Variants in KHDRBS2 observed in about 807,000 individuals in gnomAD.
The protein encoded by KHDRBS2 is KH RNA binding domain containing, signal transduction associated 2.
In KHDRBS2, 26 loss-of-function variants were observed where a neutral mutation model predicts 44.3. The observed-to-expected ratio is 0.59, with a 90% confidence interval of 0.43 to 0.81. The LOEUF is 0.81. Ranked by LOEUF, KHDRBS2 falls within the 40% of genes least tolerant of loss-of-function variation. The pLI, the probability that KHDRBS2 is intolerant of heterozygous loss-of-function variation, is 0.00. For synonymous variants in KHDRBS2, 194 were observed against 151.1 expected, an observed-to-expected ratio of 1.28 and a Z score of -2.08; for missense variants, 476 against 433.1, an observed-to-expected ratio of 1.10 and a Z score of -0.88.
chr6:61,565,771 A>G, the KHDRBS2 span, among the ~76,000 whole-genome samples: 1 of 152,264 alleles, frequency 6.6e-6, no homozygotes, highest in African/African-American at 2.4e-5. Flanking sequence ...CACAGGGAAA[A>G]CAGTATGAAG....
chr6:61,657,333 T>A, the KHDRBS2 span, among the ~76,000 whole-genome samples: 1 of 152,028 alleles, frequency 6.6e-6, no homozygotes, highest in Non-Finnish European at 1.5e-5. Context: ...TATTTTCCCA[T>A]CTGTGTTTTG....
At chr6:61,599,026 C>A in the KHDRBS2 span, among the ~76,000 whole-genome samples, 1 of 151,800 alleles carries the variant, frequency 6.6e-6, no homozygotes, top group African/African-American at 2.4e-5. Flanking sequence ...CTCCACCTCC[C>A]AGGTTTAAGC....
In KHDRBS2 at chr6:61,850,096, T is replaced by A. The variant is rs1275230273; in HGVS notation, c.810+44539A>T. 4.6e-5 allele frequency among the ~76,000 whole-genome samples: 7 copies of A among 152,180 alleles called. 1 individual carries two copies. Among genetic ancestry groups the A allele is most frequent in the Admixed American group, 4.6e-4 (7 of 15,264 alleles). ...GTTAACTCTAAGCCTTTACACTTGT[T>A]AACCCTCCATCTTTGGATTACCTTT... On this transcript the variant is annotated intron_variant, in intron 6 of 8. Coordinates refer to ENST00000281156, the MANE Select transcript of KHDRBS2 (RefSeq NM_152688.4).
At chr6:62,145,539 A>AATTAAAGTAAC (rs1224883960) in intron 2 of KHDRBS2, among the ~76,000 whole-genome samples, 3 of 135,350 alleles carry the variant, frequency 2.2e-5, no homozygotes, top group African/African-American at 8.3e-5. Context: ...TCTTGGACCA[A>AATTAAAGTAAC]TGTGATGTTA....
intron 3 of KHDRBS2, among the ~76,000 whole-genome samples, chr6:62,029,423 A>C (rs1230667477): frequency 6.6e-6 from 1 of 152,052 alleles, no homozygotes; most frequent in Admixed American, 6.6e-5. Flanking sequence ...CTGTTTCATA[A>C]AAAGTATCAA....
At chr6:61,952,040 C>T (rs1040301834) in intron 4 of KHDRBS2, among the ~76,000 whole-genome samples, 4 of 152,010 alleles carry the variant, frequency 2.6e-5, no homozygotes, top group Non-Finnish European at 4.4e-5. Context: ...ATGTAACCTC[C>T]ATCAGTGACA....
intron 1 of KHDRBS2, among the ~76,000 whole-genome samples, chr6:62,219,011 G>T (rs1290587728): frequency 6.6e-6 from 1 of 151,852 alleles, no homozygotes; most frequent in African/African-American, 2.4e-5. Flanking sequence ...GAAGCACAGG[G>T]GGGAAGAAGT....
intron 6 of KHDRBS2, among the ~76,000 whole-genome samples, chr6:61,803,595 C>T (rs1786640019): frequency 6.6e-6 from 1 of 152,102 alleles, no homozygotes; most frequent in South Asian, 2.1e-4. Context: ...GCCCTGGAGA[C>T]ATTTTCCCCA....
At chr6:61,709,473 A>C (rs934950897) in intron 7 of KHDRBS2, among the ~76,000 whole-genome samples, 38 of 151,614 alleles carry the variant, frequency 2.5e-4, no homozygotes, top group African/African-American at 9.2e-4. Flanking sequence ...TCAAATAAGA[A>C]GGAAATATAT....
At chr6:62,009,429 A>G (rs1282262846) in intron 3 of KHDRBS2, among the ~76,000 whole-genome samples, 1 of 152,250 alleles carries the variant, frequency 6.6e-6, no homozygotes, top group Non-Finnish European at 1.5e-5. Flanking sequence ...GGAGCTTGAC[A>G]ATGTGATAGA....
chr6:61,628,498 A>G, the KHDRBS2 span, among the ~76,000 whole-genome samples: 256 of 152,142 alleles, frequency 1.7e-3, 2 homozygotes, highest in African/African-American at 6.0e-3. Flanking sequence ...CTTCAACCTT[A>G]TCTTCTCTTC....
At chr6:61,843,579 G>T (rs933968360) in intron 6 of KHDRBS2, among the ~76,000 whole-genome samples, 1 of 151,664 alleles carries the variant, frequency 6.6e-6, no homozygotes, top group Admixed American at 6.6e-5. Flanking sequence ...TGGCCAGGCT[G>T]GTCTCAAACC....
At chr6:62,222,099 A>C (rs1830993188) in intron 1 of KHDRBS2, among the ~76,000 whole-genome samples, 1 of 152,202 alleles carries the variant, frequency 6.6e-6, no homozygotes, top group Non-Finnish European at 1.5e-5. Flanking sequence ...AAATATTTTA[A>C]GCTGAATAAT....
chr6:61,668,356 G>C, the KHDRBS2 span, among the ~76,000 whole-genome samples: 1 of 150,916 alleles, frequency 6.6e-6, no homozygotes, highest in South Asian at 2.1e-4. Context: ...CAAGTGAGAG[G>C]CTGGTATAAA....
At chr6:61,684,193 G>A (rs1766587727) in intron 8 of KHDRBS2, among the ~76,000 whole-genome samples, 1 of 151,888 alleles carries the variant, frequency 6.6e-6, no homozygotes, top group Admixed American at 6.6e-5. Context: ...CTGAACCAAT[G>A]AACGTTTTTC....
intron 6 of KHDRBS2, among the ~76,000 whole-genome samples, chr6:61,833,109 A>G (rs2127264066): frequency 6.6e-6 from 1 of 152,288 alleles, no homozygotes; most frequent in Admixed American, 6.5e-5. Context: ...GACTTTTTTC[A>G]TATTCCAATG....
At chr6:61,798,732 A>T (rs1016583109) in intron 6 of KHDRBS2, among the ~76,000 whole-genome samples, 1 of 152,020 alleles carries the variant, frequency 6.6e-6, no homozygotes, top group African/African-American at 2.4e-5. Context: ...AAAATTGGAA[A>T]CCACATTTTT....
At chr6:62,280,213 G>A (rs1841603826) in intron 1 of KHDRBS2, among the ~76,000 whole-genome samples, 1 of 152,324 alleles carries the variant, frequency 6.6e-6, no homozygotes, top group African/African-American at 2.4e-5. Context: ...GGAGAGGTAA[G>A]CATATTATAA....
the KHDRBS2 span, among the ~76,000 whole-genome samples, chr6:61,673,921 C>G: frequency 6.6e-6 from 1 of 150,952 alleles, no homozygotes; most frequent in Non-Finnish European, 1.5e-5. Context: ...TTGGAAAAAA[C>G]TACTTTAAAG....
Sources: allele counts gnomAD v4.1 joint callset (sites outside exome capture counted in the v4.1 genomes callset), GRCh38; gene constraint gnomAD v4.1.1; transcripts MANE v1.5; gene names NCBI Gene and HGNC (gene_info 2026-07-23, HGNC 2026-07-21).